Variants in XKR4 observed in about 807,000 individuals in gnomAD.
XKR4 encodes the protein XK related 4.
XKR4 carries 12 observed loss-of-function variants against 53.9 expected under a neutral mutation model. The observed-to-expected ratio is 0.22, with a 90% confidence interval of 0.14 to 0.36. The LOEUF (loss-of-function observed/expected upper bound fraction) is 0.36. XKR4 is among the 10% of genes least tolerant of loss of function. XKR4 has a pLI of 1.00. For missense variants in XKR4, 799 were observed against 859.5 expected (o/e 0.93, Z 0.88); for synonymous variants, 354 against 362.4 (o/e 0.98, Z 0.26).
chr8:55,357,637 C>T (rs1803839010), intron 1 of XKR4, 41 bp from the exon 2 acceptor site: 2 of 1,602,246 alleles, frequency 1.2e-6, no homozygotes, highest in African/African-American at 2.7e-5. Flanking sequence ...TATAAACTAT[C>T]ATCACTCATC....
chr8:55,341,257 C>T (rs1329812836), intron 1 of XKR4, among the ~76,000 whole-genome samples: 1 of 152,136 alleles, frequency 6.6e-6, no homozygotes, highest in African/African-American at 2.4e-5. Context: ...CACTGGGACT[C>T]CTCTGTGAGG....
In XKR4 at chr8:55,337,454, T is replaced by C. The variant is rs139851845; in HGVS notation, c.807-20224T>C. On this transcript the variant is annotated intron_variant, in intron 1 of 2. Coordinates refer to ENST00000327381, the MANE Select transcript of XKR4 (RefSeq NM_052898.2). ...AGGGCCATGTTTCTCAACTAGTAAT[T>C]GCAGTCCTTTCATGTGTAATGAAGG... Among the ~76,000 whole-genome samples, 805 of 152,340 alleles carry C rather than the reference T, an allele frequency of 5.3e-3. 5 individuals are homozygous for C. The highest frequency in any genetic ancestry group is 0.02 in the Middle Eastern group (6 of 294).
chr8:55,193,134 C>T (rs145636950), intron 1 of XKR4, among the ~76,000 whole-genome samples: 280 of 148,918 alleles, frequency 1.9e-3, no homozygotes, highest in African/African-American at 6.6e-3. Context: ...TGGGTTAGAA[C>T]TGCACTTCCC....
At chr8:55,427,559 A>G (rs567931300) in intron 2 of XKR4, among the ~76,000 whole-genome samples, 4 of 152,322 alleles carry the variant, frequency 2.6e-5, no homozygotes, top group Admixed American at 6.5e-5. Flanking sequence ...CATATATAAC[A>G]CAAGGGGAAC....
At chr8:55,399,467 T>C (rs1309807039) in intron 2 of XKR4, among the ~76,000 whole-genome samples, 1 of 152,222 alleles carries the variant, frequency 6.6e-6, no homozygotes, top group East Asian at 1.9e-4. Flanking sequence ...ATAGTCCCCA[T>C]AATCTTGATT....
intron 1 of XKR4, among the ~76,000 whole-genome samples, chr8:55,161,178 C>T (rs1211576822): frequency 4.6e-5 from 7 of 152,100 alleles, no homozygotes; most frequent in African/African-American, 1.7e-4. Flanking sequence ...CTTCACAGCA[C>T]GTGGCCATGC....
intron 1 of XKR4, among the ~76,000 whole-genome samples, chr8:55,280,368 C>T (rs1818827362): frequency 6.6e-6 from 1 of 152,142 alleles, no homozygotes; most frequent in Admixed American, 6.5e-5. Flanking sequence ...ACTAGGTAAA[C>T]TAGGTTAACT....
intron 2 of XKR4, among the ~76,000 whole-genome samples, chr8:55,432,508 A>G (rs1047948593): frequency 2.0e-5 from 3 of 152,184 alleles, no homozygotes; most frequent in Admixed American, 6.5e-5. Context: ...CATTAGAAAA[A>G]GACAGATAGT....
At chr8:55,309,998 G>T (rs1260753296) in intron 1 of XKR4, among the ~76,000 whole-genome samples, 1 of 151,950 alleles carries the variant, frequency 6.6e-6, no homozygotes, top group East Asian at 1.9e-4. Flanking sequence ...TTAATTCAGG[G>T]GGTCCTTCAT....
intron 2 of XKR4, chr8:55,451,834 G>A (rs1457886578): frequency 1.1e-5 from 10 of 928,194 alleles, no homozygotes; most frequent in Non-Finnish European, 1.6e-5. Flanking sequence ...GCTGCTCATG[G>A]TCATGCCGTC....
At chr8:55,164,514 T>C (rs1817037279) in intron 1 of XKR4, 1 of 444,966 alleles carries the variant, frequency 2.2e-6, no homozygotes, top group Admixed American at 2.4e-5. Flanking sequence ...AGCTTGCTGG[T>C]ACTCAGAAAA....
chr8:55,130,295 A>T (rs1270927411), intron 1 of XKR4, among the ~76,000 whole-genome samples: 1 of 152,252 alleles, frequency 6.6e-6, no homozygotes, highest in Non-Finnish European at 1.5e-5. Flanking sequence ...TCCATTTTAT[A>T]CAGAGTGTTC....
chr8:55,240,331 A>G (rs772065950), intron 1 of XKR4, among the ~76,000 whole-genome samples: 1 of 152,242 alleles, frequency 6.6e-6, no homozygotes, highest in Non-Finnish European at 1.5e-5. Context: ...CTAACATTCA[A>G]GTACTAAACA....
intron 1 of XKR4, among the ~76,000 whole-genome samples, chr8:55,345,478 A>G (rs957898826): frequency 3.3e-5 from 5 of 152,198 alleles, no homozygotes; most frequent in Admixed American, 2.0e-4. Context: ...CCTTATTTCT[A>G]TCTAGGAAGG....
At chr8:55,209,098 G>A (rs915022665) in intron 1 of XKR4, among the ~76,000 whole-genome samples, 2 of 152,064 alleles carry the variant, frequency 1.3e-5, no homozygotes, top group Non-Finnish European at 2.9e-5. Context: ...CTGAATAACC[G>A]GCTGAGTAGC....
At chr8:55,283,951 G>T (rs750179895) in intron 1 of XKR4, among the ~76,000 whole-genome samples, 3 of 152,170 alleles carry the variant, frequency 2.0e-5, no homozygotes, top group East Asian at 1.9e-4. Context: ...ATTCTGTGAC[G>T]TGATCCCTCC....
intron 2 of XKR4, among the ~76,000 whole-genome samples, chr8:55,474,644 G>A (rs1805947115): frequency 6.6e-6 from 1 of 152,142 alleles, no homozygotes; most frequent in African/African-American, 2.4e-5. Context: ...TGGAGCAGAT[G>A]CTGAGTATCC....
intron 2 of XKR4, among the ~76,000 whole-genome samples, chr8:55,493,071 T>C (rs893248598): frequency 6.6e-6 from 1 of 152,184 alleles, no homozygotes; most frequent in African/African-American, 2.4e-5. Context: ...CTCTAGAGGA[T>C]AGTGTGGGCC....
At chr8:55,186,370 T>C (rs114855545) in intron 1 of XKR4, among the ~76,000 whole-genome samples, 1 of 152,146 alleles carries the variant, frequency 6.6e-6, no homozygotes, top group African/African-American at 2.4e-5. Context: ...AAAATTCAAA[T>C]AGAGGCCGGG....
Sources: allele counts gnomAD v4.1 joint callset (sites outside exome capture counted in the v4.1 genomes callset), GRCh38; gene constraint gnomAD v4.1.1; transcripts MANE v1.5; gene names NCBI Gene and HGNC (gene_info 2026-07-23, HGNC 2026-07-21).